Variants in KCNQ3 observed in about 807,000 individuals in gnomAD.
The protein encoded by KCNQ3 is potassium voltage-gated channel subfamily Q member 3.
A neutral mutation model predicts 92.5 loss-of-function variants in KCNQ3; 30 were observed. The observed-to-expected ratio is 0.32, with a 90% CI of 0.24 to 0.44. The LOEUF (loss-of-function observed/expected upper bound fraction) is 0.44. KCNQ3 is among the 20% of genes least tolerant of loss of function. The pLI is 1.00. For synonymous variants in KCNQ3, 450 were observed against 468.8 expected (o/e 0.96, Z 0.52); for missense variants, 913 against 1,140.3 (o/e 0.80, Z 2.87).
At chr8:132,310,350 G>T (rs1817556915) in intron 1 of KCNQ3, among the ~76,000 whole-genome samples, 1 of 152,156 alleles carries the variant, frequency 6.6e-6, no homozygotes, top group Admixed American at 6.5e-5. Context: ...TTCCATTGCA[G>T]GTTTCTCTCT....
rs937051213 is a variant in KCNQ3 at position 132,302,452 on chromosome 8, G to A, written c.387-116271C>T. On this transcript the variant is annotated intron_variant, in intron 1 of 14. Transcript: ENST00000388996. ...CAAAACAACACTTTACTCTTGATAT[G>A]ATCCACCTCGCCCCTGTTGGCATTT... is the stretch of plus-strand genomic sequence containing the variant. Among the ~76,000 whole-genome samples the A allele has an allele frequency of 2.6e-5, 4 of 152,176 alleles. No homozygotes were observed. In the East Asian group the frequency reaches 5.8e-4, roughly 22 times the overall value.
In KCNQ3 at chr8:132,480,128, C is replaced by G. The variant is rs1482987994; in HGVS notation, c.386+19G>C. ...AAGCGCGCCGCCGCCGAGGGCGCCCCGAGCGGCCGGGTACTCACACCAACG... is the reference window on the plus strand; with the variant it reads ...AAGCGCGCCGCCGCCGAGGGCGCCCGGAGCGGCCGGGTACTCACACCAACG... On this transcript the variant is annotated intron_variant, in intron 1 of 14. Transcript: ENST00000388996. 3 of 1,607,678 alleles carry G rather than the reference C, an allele frequency of 1.9e-6. No homozygotes were observed. Among genetic ancestry groups the G allele is most frequent in the South Asian group, 1.1e-5 (1 of 90,334 alleles).
At chr8:132,477,983 G>A (rs1242806889) in intron 1 of KCNQ3, among the ~76,000 whole-genome samples, 1 of 152,142 alleles carries the variant, frequency 6.6e-6, no homozygotes, top group Non-Finnish European at 1.5e-5. Context: ...CTCTCTTGAG[G>A]TTTTCATATC....
chr8:132,408,823 A>G (rs1820570312), intron 1 of KCNQ3, among the ~76,000 whole-genome samples: 3 of 152,218 alleles, frequency 2.0e-5, no homozygotes, highest in Admixed American at 2.0e-4. Flanking sequence ...GATGACAGCC[A>G]GCAAGATAAC....
intron 7 of KCNQ3, among the ~76,000 whole-genome samples, chr8:132,171,855 C>A (rs1052051954): frequency 6.6e-6 from 1 of 152,088 alleles, no homozygotes; most frequent in Non-Finnish European, 1.5e-5. Context: ...CTCCAACACA[C>A]CATCAGTAAA....
chr8:132,258,259 G>T (rs1030102559), intron 1 of KCNQ3, among the ~76,000 whole-genome samples: 4 of 151,968 alleles, frequency 2.6e-5, no homozygotes, highest in Non-Finnish European at 5.9e-5. Context: ...GTATATGTTG[G>T]ACAATAAAAC....
At chr8:132,275,052 C>T (rs143820736) in intron 1 of KCNQ3, among the ~76,000 whole-genome samples, 18 of 152,110 alleles carry the variant, frequency 1.2e-4, no homozygotes, top group South Asian at 4.2e-4. Flanking sequence ...GTGGGAGGGG[C>T]GTGGGGAGGT....
intron 8 of KCNQ3, among the ~76,000 whole-genome samples, chr8:132,165,375 T>C (rs1035859439): frequency 6.6e-6 from 1 of 152,202 alleles, no homozygotes; most frequent in African/African-American, 2.4e-5. Context: ...GGATGATCAA[T>C]AAATATATGC....
intron 1 of KCNQ3, among the ~76,000 whole-genome samples, chr8:132,378,491 C>T (rs1339280670): frequency 6.6e-6 from 1 of 152,176 alleles, no homozygotes; most frequent in Non-Finnish European, 1.5e-5. Flanking sequence ...TAGCAATTAT[C>T]ATCTTGGTGT....
chr8:132,342,936 A>G (rs1415414530), intron 1 of KCNQ3, among the ~76,000 whole-genome samples: 1 of 152,084 alleles, frequency 6.6e-6, no homozygotes, highest in East Asian at 1.9e-4. Context: ...TTTCTTACAC[A>G]TGTGGTTTTT....
chr8:132,129,638 A>C lies in KCNQ3; in HGVS notation c.2243T>G (p.Leu748Arg). Residue 748 changes from leucine (L) to arginine (R), a missense_variant, in exon 15 of 15, where the codon CTG (leucine) becomes CGG (arginine). Leu to Arg is a moderately radical substitution (Grantham distance 102). This residue lies in a region of KCNQ3 where 375 missense variants were observed against 376.4 expected (regional missense o/e 1.00). Coordinates refer to ENST00000388996, the MANE Select transcript of KCNQ3 (RefSeq NM_004519.4). This position sits in a 1 kb window ranked among gnomAD's most constrained non-coding sequence, Gnocchi z 5.9. The part of the protein sequence containing the change: ...ATTYVERPTV[L>R]PILTLLDSRV... ...GGAGTCGAGAAGAGTCAAGATAGGC[A>C]GGACCGTGGGCCTCTCCACATACGT... 1 of 1,614,178 alleles carries C rather than the reference A, an allele frequency of 6.2e-7. No homozygotes were observed. Among genetic ancestry groups the C allele is most frequent in the South Asian group, 1.1e-5 (1 of 91,082 alleles).
intron 1 of KCNQ3, among the ~76,000 whole-genome samples, chr8:132,203,610 C>T (rs770843301): frequency 6.6e-6 from 1 of 152,138 alleles, no homozygotes; most frequent in Non-Finnish European, 1.5e-5. Context: ...ATTCAGGAGT[C>T]AGACAGGGAA....
chr8:132,345,647 C>A (rs1418617223), intron 1 of KCNQ3, among the ~76,000 whole-genome samples: 1 of 152,218 alleles, frequency 6.6e-6, no homozygotes, highest in Non-Finnish European at 1.5e-5. Flanking sequence ...TGTTTTTCTG[C>A]CCATTGTTTA....
chr8:132,294,000 GTTTTTT>G (rs386414036), intron 1 of KCNQ3, among the ~76,000 whole-genome samples: 1 of 124,192 alleles, frequency 8.1e-6, no homozygotes, highest in South Asian at 2.6e-4. Context: ...TGTGTGTGTG[GTTTTTT>G]TTTTTTTTTT....
chr8:132,325,081 T>C (rs1291184910), intron 1 of KCNQ3, among the ~76,000 whole-genome samples: 1 of 151,878 alleles, frequency 6.6e-6, no homozygotes, highest in African/African-American at 2.4e-5. Context: ...CAACACAGCT[T>C]GGTAGGAGCC....
At chr8:132,373,640 C>G (rs1369211157) in intron 1 of KCNQ3, among the ~76,000 whole-genome samples, 1 of 152,112 alleles carries the variant, frequency 6.6e-6, no homozygotes, top group Admixed American at 6.5e-5. Context: ...GTCCAGAGCC[C>G]CCAAGACCCA....
At chr8:132,339,957 A>AC (rs1478743109) in intron 1 of KCNQ3, among the ~76,000 whole-genome samples, 5 of 151,872 alleles carry the variant, frequency 3.3e-5, no homozygotes, top group Non-Finnish European at 7.4e-5. Context: ...GGCAACAAAC[A>AC]TAAAAAAAAA....
chr8:132,447,306 G>A, intron 1 of KCNQ3: 1 of 1,438,638 alleles, frequency 7.0e-7, no homozygotes, highest in South Asian at 1.2e-5. Flanking sequence ...GGGCAGAATG[G>A]GCAGACAAGG....
chr8:132,148,630 T>C (rs1437289684), intron 9 of KCNQ3, among the ~76,000 whole-genome samples: 1 of 152,216 alleles, frequency 6.6e-6, no homozygotes, highest in Non-Finnish European at 1.5e-5. Flanking sequence ...AGCAGTTGAA[T>C]CAGTAGACTG....
Sources: gnomAD v4.1 joint callset for allele counts (sites outside exome capture counted in the v4.1 genomes callset) on GRCh38, gnomAD v4.1.1 for gene constraint, gnomAD v4.1.1 regional missense constraint, Gnocchi (gnomAD v3.1) non-coding constraint, MANE v1.5 for transcripts, NCBI Gene and HGNC (gene_info 2026-07-23, HGNC 2026-07-21) for gene names.